HAP1: variants seen among roughly 807,000 people sequenced by gnomAD.
The protein encoded by HAP1 is huntingtin associated protein 1, also known as huntingtin-associated protein 1.
Under a neutral mutation model 60.3 loss-of-function variants are expected in HAP1, and 59 were observed. The ratio of observed to expected loss-of-function variants is 0.98; its 90% confidence interval spans 0.79 to 1.22. HAP1 has a LOEUF of 1.22. Ranked by LOEUF, HAP1 falls within the 50% of genes most tolerant of loss-of-function variation. The probability of loss-of-function intolerance (pLI) is 0.00; values close to 1 mark genes in which losing one functional copy is unlikely to be tolerated. For synonymous variants in HAP1, 346 were observed against 330.6 expected (o/e 1.05, Z -0.50); for missense variants, 825 against 785.3 (o/e 1.05, Z -0.60).
At chr17:41,730,542 C>T (rs1567784042) in intron 6 of HAP1, 1 of 152,144 alleles carries the variant, frequency 6.6e-6, no homozygotes, top group Non-Finnish European at 1.5e-5. Context: ...AGACTTAAGC[C>T]ATTCCTAGGA....
rs77728120 is a variant in HAP1, at chr17:41,731,468, C to A, written c.1069+25G>T. ...TTCTCTGCTCCTTGGGACAACCCCC[C>A]ACCCCGAGTGACAACATTACGTACA... On this transcript the variant is annotated intron_variant, in intron 6 of 10. Coordinates refer to ENST00000347901, the MANE Select transcript of HAP1 (RefSeq NM_177977.3). The A allele has an allele frequency of 1.8e-5, 28 of 1,536,642 alleles. 1 individual carries two copies. The highest frequency in any genetic ancestry group is 1.2e-4 in the South Asian group (11 of 89,562).
chr17:41,733,764 C>G lies in HAP1; in HGVS notation c.469+402G>C, dbSNP rs1555591780. On this transcript the variant is annotated intron_variant, in intron 1 of 10. Transcript: ENST00000347901. Reference sequence around the variant, plus strand: ...GGGCAAAACTTCCCCCTCCGCCCGCCCACCCACCCCTCCATCGCACGCAAG... The same window carrying G: ...GGGCAAAACTTCCCCCTCCGCCCGCGCACCCACCCCTCCATCGCACGCAAG... 3.3e-5 allele frequency among the ~76,000 whole-genome samples: 5 copies of G among 151,116 alleles called. No individual in the cohort carries two copies. In the South Asian group the frequency reaches 8.3e-4, roughly 25 times the overall value.
rs376585547 is a variant in HAP1, at chr17:41,734,390, C to A, written c.245G>T (p.Arg82Leu). 2.2e-5 allele frequency: 35 copies of A among 1,605,204 alleles called. No homozygotes were observed. The highest frequency in any genetic ancestry group is 2.7e-5 in the Non-Finnish European group (32 of 1,173,942). ...SEAGAKAGAR[R>L]PSAFSAIQGD... ...TTGGATGGCCGAGAATGCGGACGGG[C>A]GCCGGGCTCCTGCCTTGGCTCCAGC... Residue 82 changes from arginine (R) to leucine (L), a missense_variant, in exon 1 of 11, where the codon CGC (arginine) becomes CTC (leucine). Physicochemically the swap from Arg to Leu is moderately radical, Grantham distance 102 (BLOSUM62 -2). Transcript: ENST00000347901.
At position 41,723,613 on chromosome 17, in the gene HAP1, G is replaced by C. The variant is rs572755093; in HGVS notation, c.*1088C>G. ...TGGCCTGGGCGGTGGGCAGGGGTCT[G>C]ATCAACTGTATCAGAAGGACACGGA... On this transcript the variant is annotated 3_prime_UTR_variant, in exon 11 of 11. Coordinates refer to ENST00000347901, the MANE Select transcript of HAP1 (RefSeq NM_177977.3). The C allele has an allele frequency of 6.5e-6, 1 of 152,814 alleles. No homozygotes were observed. Among genetic ancestry groups the C allele is most frequent in the East Asian group, 1.9e-4 (1 of 5,186 alleles). 9.5% of individuals were successfully genotyped at this position (152,814 alleles called of 1,614,324 possible).
intron 8 of HAP1, chr17:41,727,354 G>A (rs1911740929): frequency 1.3e-6 from 1 of 780,802 alleles, no homozygotes; most frequent in Non-Finnish European, 2.4e-6. Flanking sequence ...GGGGGTTGCT[G>A]GCGGAGGGTC....
Position 41,724,387 on chromosome 17 carries a change from A to C in HAP1, c.*314T>G, listed in dbSNP as rs569133438. 9 of 202,086 alleles carry C rather than the reference A, an allele frequency of 4.5e-5. No homozygotes were observed. The East Asian group carries it at 1.1e-3, about 24-fold the overall frequency. 12.5% of individuals were successfully genotyped at this position (202,086 alleles called of 1,614,324 possible). A position where few individuals can be genotyped will look rare whatever the true frequency, so the allele number is the denominator to read the frequency against. On this transcript the variant is annotated 3_prime_UTR_variant, in exon 11 of 11. Transcript: ENST00000347901. ...TTGACTGCTGCTGCCACTGCTGCAG[A>C]GTTGGAGAGCCTGGGGGATAGAGGA...
intron 10 of HAP1, among the ~76,000 whole-genome samples, 194 bp from the exon 11 acceptor site, chr17:41,725,348 A>T (rs1360730146): frequency 6.6e-6 from 1 of 152,118 alleles, no homozygotes; most frequent in Admixed American, 6.6e-5. Context: ...AAGAATGGTC[A>T]CCAACACTGC....
At chr17:41,734,082 G>T in intron 1 of HAP1, 84 bp downstream of exon 1, 1 of 1,096,450 alleles carries the variant, frequency 9.1e-7, no homozygotes, top group Non-Finnish European at 1.3e-6. Flanking sequence ...AGAGGGGGCG[G>T]GGTGCCTGGA....
chr17:41,730,839 G>C (rs370803369), intron 6 of HAP1, among the ~76,000 whole-genome samples: 17 of 152,280 alleles, frequency 1.1e-4, no homozygotes, highest in East Asian at 9.6e-4. Flanking sequence ...CCAGCCCTGG[G>C]TGCCTGGTCT....
chr17:41,732,827 G>C, intron 1 of HAP1, 29 bp from the exon 2 acceptor site: 2 of 1,290,682 alleles, frequency 1.5e-6, no homozygotes, highest in Non-Finnish European at 2.3e-6. Context: ...GGGGAGAAAA[G>C]GCCCAGCCAG....
intron 4 of HAP1, 88 bp downstream of exon 4, chr17:41,731,849 C>A: frequency 2.3e-6 from 2 of 882,382 alleles, no homozygotes; most frequent in South Asian, 1.4e-5. Context: ...GCAACCCTGC[C>A]AGCAAGCACA....
In HAP1 at chr17:41,734,530, C is replaced by G; in HGVS notation, c.105G>C (p.Pro35=). The change falls in exon 1 of 11, where the codon CCG becomes CCC. Residue 35 remains proline, a synonymous_variant. Coordinates refer to ENST00000347901, the MANE Select transcript of HAP1 (RefSeq NM_177977.3). ...CAPSPSASPA[P]EPSAQPQARG... is the part of the protein sequence containing the mutation. ...GTGCCTGCGGCTGCGCAGAGGGCTC[C>G]GGAGCGGGACTGGCTGAGGGCGAAG... 1 of 1,611,334 alleles carries G rather than the reference C, an allele frequency of 6.2e-7. No individual in the cohort carries two copies. The highest frequency in any genetic ancestry group is 1.1e-5 in the South Asian group (1 of 90,878).
chr17:41,733,056 TTTTTTTTTTTTTTA>T, intron 1 of HAP1, among the ~76,000 whole-genome samples: 1 of 125,218 alleles, frequency 8.0e-6, no homozygotes, highest in Non-Finnish European at 1.7e-5. Flanking sequence ...TTTTTTTGGT[TTTTTTTTTTTTTTA>T]GACAAAGCCT....
intron 10 of HAP1, 48 bp downstream of exon 10, chr17:41,725,811 C>A (rs1204199611): frequency 4.0e-6 from 6 of 1,483,986 alleles, no homozygotes; most frequent in Non-Finnish European, 4.7e-6. Flanking sequence ...GGCTGTCTGG[C>A]TGCTGAAAGC....
At chr17:41,720,403 C>T (rs1911152181), downstream of HAP1, among the ~76,000 whole-genome samples, 1 of 151,636 alleles carries the variant, frequency 6.6e-6, no homozygotes. Context: ...CCATGTTGCT[C>T]AGGCTGGTCT....
At chr17:41,731,603 C>T in intron 5 of HAP1, 35 bp downstream of exon 5, 1 of 1,604,004 alleles carries the variant, frequency 6.2e-7, no homozygotes, top group Non-Finnish European at 8.5e-7. Context: ...TCAACACCCC[C>T]TGCTAGCAGG....
Position 41,725,029 on chromosome 17 carries a change from T to G in HAP1, c.1532A>C (p.Gln511Pro), listed in dbSNP as rs1555588372. 17 of 1,612,364 alleles carry G rather than the reference T, an allele frequency of 1.1e-5. No individual in the cohort carries two copies. The highest frequency in any genetic ancestry group is 1.4e-5 in the Non-Finnish European group (16 of 1,179,148). The part of the protein sequence containing the change: ...DFTPAEEFVP[Q>P]EELGAAKKVP... ...CTTCTTGGCAGCCCCCAGCTCCTCCTGGGGCACGAACTCCTCCGCAGGCGT... is the reference window on the plus strand; with the variant it reads ...CTTCTTGGCAGCCCCCAGCTCCTCCGGGGGCACGAACTCCTCCGCAGGCGT... The change falls in exon 11 of 11, where the codon CAG (glutamine) becomes CCG (proline). Residue 511 changes from glutamine (Q) to proline (P), a missense_variant. Transcript: ENST00000347901.
At chr17:41,727,558 G>C in intron 8 of HAP1, 2 of 687,872 alleles carry the variant, frequency 2.9e-6, no homozygotes, top group Non-Finnish European at 5.3e-6. Context: ...GGGGGACCCA[G>C]GGCAGGTCCC....
rs782517265 is a variant in HAP1, at chr17:41,732,127, A to G, written c.715-9T>C. 1.9e-6 allele frequency: 3 copies of G among 1,613,622 alleles called. No individual in the cohort carries two copies. The highest frequency in any genetic ancestry group is 2.5e-6 in the Non-Finnish European group (3 of 1,179,654). On this transcript the variant is annotated splice_polypyrimidine_tract_variant and intron_variant, in intron 3 of 10. Transcript: ENST00000347901. ...TGTCTGAGGTATAAAATCTGGCAGG[A>G]AGAGAGAGGAGCCATGGGTTGGGAG...
Sources: gnomAD v4.1 joint callset for allele counts (sites outside exome capture counted in the v4.1 genomes callset) on GRCh38, gnomAD v4.1.1 for gene constraint, MANE v1.5 for transcripts, NCBI Gene and HGNC (gene_info 2026-07-23, HGNC 2026-07-21) for gene names.